The following AKAP13 variants were observed in gnomAD, a reference collection of about 807,000 sequenced individuals.
AKAP13 encodes A-kinase anchor protein 13.
AKAP13 carries 80 observed loss-of-function variants against 264.5 expected under a neutral mutation model. The observed-to-expected ratio is 0.30, with a 90% CI of 0.25 to 0.36. AKAP13 has a LOEUF of 0.36. Among genes scored for constraint, AKAP13 ranks in the 10% least tolerant of loss-of-function variants. The probability of loss-of-function intolerance (pLI) is 1.00; values close to 1 mark genes in which losing one functional copy is unlikely to be tolerated. For synonymous variants in AKAP13, 1,380 were observed against 1,250.2 expected, an observed-to-expected ratio of 1.10 and a Z score of -2.19; for missense variants, 3,712 against 3,435.2, an observed-to-expected ratio of 1.08 and a Z score of -2.01.
At chr15:85,628,313 A>G (rs1011864460) in intron 8 of AKAP13, among the ~76,000 whole-genome samples, 2 of 152,150 alleles carry the variant, frequency 1.3e-5, no homozygotes, top group Non-Finnish European at 2.9e-5. Flanking sequence ...TTCTTGCCTA[A>G]AGTGAGCACT....
Position 85,581,992 on chromosome 15 carries a change from C to T in AKAP13, c.3924C>T (p.Ser1308=). The T allele has an allele frequency of 6.2e-7, 1 of 1,614,134 alleles. No individual in the cohort carries two copies. Among genetic ancestry groups the T allele is most frequent in the Non-Finnish European group, 8.5e-7 (1 of 1,180,012 alleles). The change falls in exon 7 of 37, where the codon AGC becomes AGT. Residue 1308 remains serine, a synonymous_variant. Coordinates refer to ENST00000394518, the MANE Select transcript of AKAP13 (RefSeq NM_007200.5). ...EKVSTFPPGE[S]LPMGSTPEEA... ...TGAGTACTTTCCCACCTGGGGAGAG[C>T]CTACCAATGGGCAGTACTCCTGAGG...
chr15:85,665,775 G>A (rs62022910), intron 13 of AKAP13, among the ~76,000 whole-genome samples: 21,717 of 152,090 alleles, frequency 0.14, 2,108 homozygotes, highest in Non-Finnish European at 0.22. Context: ...GAGAACATGC[G>A]GTGTTTGGTT....
chr15:85,383,735 G>A (rs2070409797), intron 1 of AKAP13, among the ~76,000 whole-genome samples: 1 of 152,196 alleles, frequency 6.6e-6, no homozygotes, highest in Non-Finnish European at 1.5e-5. Flanking sequence ...TTGTGACTAT[G>A]CTATTTGGGC....
chr15:85,601,266 C>G (rs898273164), intron 8 of AKAP13, among the ~76,000 whole-genome samples: 1 of 152,140 alleles, frequency 6.6e-6, no homozygotes, highest in Non-Finnish European at 1.5e-5. Flanking sequence ...TAGGAAGTAC[C>G]TTTCAGTTAA....
At chr15:85,381,522 T>TTG (rs2070266336) in intron 1 of AKAP13, among the ~76,000 whole-genome samples, 1 of 30,560 alleles carries the variant, frequency 3.3e-5, no homozygotes, top group African/African-American at 1.1e-4. Context: ...GGTTTACTGC[T>TTG]TTTTTTTTTT....
At position 85,413,873 on chromosome 15, in the gene AKAP13, T is replaced by G. The variant is rs574719289; in HGVS notation, c.-12+33075T>G. 2.6e-5 allele frequency among the ~76,000 whole-genome samples: 4 copies of G among 152,344 alleles called. 1 individual carries two copies. The South Asian group carries it at 8.3e-4, about 32-fold the overall frequency. ...TACTTTAAAATTGTCTTGGTACATG[T>G]ATTTTGAAATTTATATGAACAGCTT... On this transcript the variant is annotated intron_variant, in intron 1 of 36. Transcript: ENST00000394518.
At chr15:85,525,874 A>G (rs1337230492) in intron 3 of AKAP13, among the ~76,000 whole-genome samples, 1 of 152,208 alleles carries the variant, frequency 6.6e-6, no homozygotes, top group Non-Finnish European at 1.5e-5. Context: ...ATTTAGACCA[A>G]GCAGTGATTT....
chr15:85,559,124 C>T (rs913541608), intron 5 of AKAP13, among the ~76,000 whole-genome samples: 1 of 152,004 alleles, frequency 6.6e-6, no homozygotes, highest in Non-Finnish European at 1.5e-5. Flanking sequence ...TCTTGGTCAA[C>T]AGTGGTAATG....
At chr15:85,504,941 T>C (rs2076167887) in intron 2 of AKAP13, among the ~76,000 whole-genome samples, 1 of 151,880 alleles carries the variant, frequency 6.6e-6, no homozygotes, top group African/African-American at 2.4e-5. Context: ...CTCCCATCTC[T>C]CTCTCTCTCC....
chr15:85,495,897 C>G (rs1478949345), intron 2 of AKAP13, among the ~76,000 whole-genome samples: 1 of 152,170 alleles, frequency 6.6e-6, no homozygotes, highest in Non-Finnish European at 1.5e-5. Flanking sequence ...TTATCTGGCA[C>G]TAGATGCCTT....
rs760383748 is a variant in AKAP13 at position 85,741,311 on chromosome 15, A to T, written c.7874A>T (p.Glu2625Val). The T allele has an allele frequency of 9.3e-5, 150 of 1,612,600 alleles. No individual in the cohort carries two copies. Among genetic ancestry groups the T allele is most frequent in the Admixed American group, 1.7e-4 (10 of 59,830 alleles). ...GCCCTCCTGGCCCAGCGCGAGGAGG[A>T]GGTGCAGCAGGGGCAGCAGGACCTG... ...REALLAQREE[E>V]VQQGQQDLEK... is the part of the protein sequence containing the mutation. The change falls in exon 35 of 37, where the codon GAG becomes GTG. Residue 2625 changes from glutamate to valine, a missense_variant. Glu to Val is a moderately radical substitution (Grantham distance 121). This residue lies in a region of AKAP13 where 611 missense variants were observed against 539.3 expected (regional missense o/e 1.13). Transcript: ENST00000394518.
At chr15:85,497,560 G>T (rs1469449632) in intron 2 of AKAP13, among the ~76,000 whole-genome samples, 3 of 152,148 alleles carry the variant, frequency 2.0e-5, no homozygotes, top group South Asian at 2.1e-4. Flanking sequence ...CTTGACCAGG[G>T]TGGGCAGTTC....
chr15:85,730,022 T>G (rs2087890016), intron 29 of AKAP13, among the ~76,000 whole-genome samples: 1 of 152,016 alleles, frequency 6.6e-6, no homozygotes, highest in Non-Finnish European at 1.5e-5. Context: ...GATAAGAGAT[T>G]CCATTGCAGA....
At chr15:85,435,236 T>C (rs2073223267) in intron 1 of AKAP13, among the ~76,000 whole-genome samples, 1 of 150,284 alleles carries the variant, frequency 6.7e-6, no homozygotes, top group African/African-American at 2.5e-5. Flanking sequence ...GGAAGATGAA[T>C]GAAATGAAGC....
intron 14 of AKAP13, among the ~76,000 whole-genome samples, chr15:85,671,703 T>C (rs1280463041): frequency 6.6e-6 from 1 of 151,922 alleles, no homozygotes; most frequent in African/African-American, 2.4e-5. Flanking sequence ...GAAAGTACAA[T>C]TGAATAGTTT....
At position 85,708,656 on chromosome 15, in the gene AKAP13, C is replaced by T. The variant is rs2086453781; in HGVS notation, c.5532+570C>T. On this transcript the variant is annotated intron_variant, in intron 18 of 36. Transcript: ENST00000394518. This position sits in a 1 kb window ranked among gnomAD's most constrained non-coding sequence, Gnocchi z 4.3. ...ATGTAATCATGCTTTCCCAGTGGCCCTTAAAAAAAAGTGTGGGTTAAGGGC... is the reference window on the plus strand; with the variant it reads ...ATGTAATCATGCTTTCCCAGTGGCCTTTAAAAAAAAGTGTGGGTTAAGGGC... 6.6e-6 allele frequency among the ~76,000 whole-genome samples: 1 copy of T among 152,066 alleles called. No homozygotes were observed. The highest frequency in any genetic ancestry group is 1.5e-5 in the Non-Finnish European group (1 of 68,002).
At chr15:85,684,659 T>G in intron 15 of AKAP13, 82 bp from the exon 16 acceptor site, 1 of 1,450,832 alleles carries the variant, frequency 6.9e-7, no homozygotes, top group Non-Finnish European at 9.3e-7. Flanking sequence ...TTCAGCAGCC[T>G]TCATCTACCT....
chr15:85,438,171 C>T (rs1337671420), intron 1 of AKAP13, among the ~76,000 whole-genome samples: 1 of 144,266 alleles, frequency 6.9e-6, no homozygotes, highest in African/African-American at 2.8e-5. Flanking sequence ...CATACACCAA[C>T]AACAGACAAA....
At chr15:85,698,168 A>T (rs338557) in intron 17 of AKAP13, among the ~76,000 whole-genome samples, 1 of 151,978 alleles carries the variant, frequency 6.6e-6, no homozygotes, top group Non-Finnish European at 1.5e-5. Flanking sequence ...TAGGCTGATA[A>T]TAAAGAGAGA....
Sources: gnomAD v4.1 joint callset for allele counts (sites outside exome capture counted in the v4.1 genomes callset) on GRCh38, gnomAD v4.1.1 for gene constraint, gnomAD v4.1.1 regional missense constraint, Gnocchi (gnomAD v3.1) non-coding constraint, MANE v1.5 for transcripts, NCBI Gene and HGNC (gene_info 2026-07-23, HGNC 2026-07-21) for gene names.